LYSMD3: variants seen among roughly 807,000 people sequenced by gnomAD.
The protein encoded by LYSMD3 is LysM domain containing 3, also known as lysM and putative peptidoglycan-binding domain-containing protein 3.
Under a neutral mutation model 26.1 loss-of-function variants are expected in LYSMD3, and 13 were observed. The observed-to-expected ratio is 0.50, with a 90% CI of 0.32 to 0.79. The LOEUF (loss-of-function observed/expected upper bound fraction) is 0.79. Ranked by LOEUF, LYSMD3 falls within the 30% of genes least tolerant of loss-of-function variation. The probability of loss-of-function intolerance (pLI) is 0.03; values close to 1 mark genes in which losing one functional copy is unlikely to be tolerated. For missense variants in LYSMD3, 331 were observed against 362.5 expected (o/e 0.91, Z 0.71); for synonymous variants, 109 against 119.4 (o/e 0.91, Z 0.57).
Position 90,519,329 on chromosome 5 carries a change from G to A in LYSMD3, c.411C>T (p.Tyr137=). ...GCAAAATTTCCTGTTGTTCGGAAGA[G>A]TATTGAACAGATGAATGACGTGAAG... ...RQTSRHSSVQ[Y]SSEQQEILPA... Residue 137 remains tyrosine, a synonymous_variant, in exon 3 of 3, where the codon TAC becomes TAT. Transcript: ENST00000315948. 1.9e-6 allele frequency: 3 copies of A among 1,614,110 alleles called. No homozygotes were observed. The highest frequency in any genetic ancestry group is 2.5e-6 in the Non-Finnish European group (3 of 1,179,998).
At chr5:90,523,187 A>G (rs1753134395) in intron 2 of LYSMD3, among the ~76,000 whole-genome samples, 1 of 152,178 alleles carries the variant, frequency 6.6e-6, no homozygotes, top group African/African-American at 2.4e-5. Flanking sequence ...TTCTGATTTA[A>G]TAATGGCAAG....
At position 90,519,495 on chromosome 5, in the gene LYSMD3, G is replaced by GGA. The variant is rs1554042291; in HGVS notation, c.256-12_256-11insTC. The GGA allele has an allele frequency of 4.1e-5, 64 of 1,556,566 alleles. No homozygotes were observed. The highest frequency in any genetic ancestry group is 4.1e-4 in the East Asian group (18 of 44,110). ...CTTGATATCTGCTACCTGTGGGGGGGAAAAAAAAGCAACATACAACTGAAT... is the reference window on the plus strand; with the variant it reads ...CTTGATATCTGCTACCTGTGGGGGGGGAAAAAAAAAGCAACATACAACTGAAT... On this transcript the variant is annotated splice_polypyrimidine_tract_variant and intron_variant, in intron 2 of 2. Coordinates refer to ENST00000315948, the MANE Select transcript of LYSMD3 (RefSeq NM_198273.2).
chr5:90,518,964 A>G lies in LYSMD3; in HGVS notation c.776T>C (p.Leu259Ser), dbSNP rs1753017911. The G allele has an allele frequency of 1.2e-6, 2 of 1,613,956 alleles. No individual in the cohort carries two copies. The highest frequency in any genetic ancestry group is 1.1e-5 in the South Asian group (1 of 91,084). ...SHHSTVDSSH[L>S]HSKITPPSQQ... ...TGATGGGGGTGTGATTTTTGAATGTAAATGTGAAGAGTCCACTGTTGAATG... is the reference window on the plus strand; with the variant it reads ...TGATGGGGGTGTGATTTTTGAATGTGAATGTGAAGAGTCCACTGTTGAATG... The change falls in exon 3 of 3, where the codon TTA (leucine) becomes TCA (serine). Residue 259 changes from leucine to serine, a missense_variant. Physicochemically the swap from Leu to Ser is moderately radical, Grantham distance 145. This residue lies in a region of LYSMD3 where 61 missense variants were observed against 66.8 expected (regional missense o/e 0.91). Coordinates refer to ENST00000315948, the MANE Select transcript of LYSMD3 (RefSeq NM_198273.2).
Position 90,518,324 on chromosome 5 carries a change from T to A in LYSMD3, c.*495A>T, listed in dbSNP as rs1308366499. ...TGTACGTATGCTTTCATAGCACATG[T>A]GCTAAATGTATTTTTTAAAAGTTTT... On this transcript the variant is annotated 3_prime_UTR_variant, in exon 3 of 3. Coordinates refer to ENST00000315948, the MANE Select transcript of LYSMD3 (RefSeq NM_198273.2). 1 of 152,850 alleles carries A rather than the reference T, an allele frequency of 6.5e-6. No homozygotes were observed. The highest frequency in any genetic ancestry group is 1.5e-5 in the Non-Finnish European group (1 of 68,522). The allele number at this position is 152,850 out of a possible 1,614,324, so 9.5% of individuals were successfully genotyped here. A position where few individuals can be genotyped will look rare whatever the true frequency, so the allele number is the denominator to read the frequency against.
rs776261005 is a variant in LYSMD3 at position 90,519,349 on chromosome 5, G to A, written c.391C>T (p.Arg131Cys). The change falls in exon 3 of 3, where the codon CGT (arginine) becomes TGT (cysteine). Residue 131 changes from arginine to cysteine, a missense_variant. By Grantham distance (180) the Arg-to-Cys change is radical. Coordinates refer to ENST00000315948, the MANE Select transcript of LYSMD3 (RefSeq NM_198273.2). ...GAAGAGTATTGAACAGATGAATGAC[G>A]TGAAGTCTGTCTTCCTTTTGGAGGA... is the stretch of plus-strand genomic sequence containing the variant. ...LCPPKGRQTSRHSSVQYSSEQ... is the reference protein window; with the variant it reads ...LCPPKGRQTSCHSSVQYSSEQ... 37 of 1,613,974 alleles carry A rather than the reference G, an allele frequency of 2.3e-5. No homozygotes were observed. Among genetic ancestry groups the A allele is most frequent in the Middle Eastern group, 1.6e-4 (1 of 6,084 alleles).
rs1011988494 is a variant in LYSMD3 at position 90,517,859 on chromosome 5, A to T, written c.*960T>A. On this transcript the variant is annotated 3_prime_UTR_variant, in exon 3 of 3. Coordinates refer to ENST00000315948, the MANE Select transcript of LYSMD3 (RefSeq NM_198273.2). ...ACAAATTTATATAGCCTATGTAACGAATCTGATTGGACCATATGAAATAAT... is the reference window on the plus strand; with the variant it reads ...ACAAATTTATATAGCCTATGTAACGTATCTGATTGGACCATATGAAATAAT... The T allele has an allele frequency of 6.6e-6, 1 of 152,492 alleles. No individual in the cohort carries two copies. The highest frequency in any genetic ancestry group is 1.5e-5 in the Non-Finnish European group (1 of 67,926). 9.4% of individuals were successfully genotyped at this position (152,492 alleles called of 1,614,324 possible).
At chr5:90,526,190 T>C (rs1753219181) in intron 1 of LYSMD3, among the ~76,000 whole-genome samples, 1 of 152,220 alleles carries the variant, frequency 6.6e-6, no homozygotes, top group Non-Finnish European at 1.5e-5. Flanking sequence ...GGTATTTATA[T>C]TTAGTGCAGA....
rs190415342 is a variant in LYSMD3 at position 90,517,211 on chromosome 5, T to C, written c.*1608A>G. 2.0e-5 allele frequency: 3 copies of C among 152,536 alleles called. No homozygotes were observed. In the East Asian group the frequency reaches 5.8e-4, roughly 29 times the overall value. 9.4% of individuals were successfully genotyped at this position (152,536 alleles called of 1,614,324 possible). On this transcript the variant is annotated 3_prime_UTR_variant, in exon 3 of 3. Transcript: ENST00000315948. ...GGTCCTCTAATATTTGCAAGGGCTT[T>C]AATGTTTGACTTCTTTGTCCTGTCT... is the stretch of plus-strand genomic sequence containing the variant.
chr5:90,520,844 G>A (rs1580231625), intron 2 of LYSMD3, among the ~76,000 whole-genome samples: 2 of 152,104 alleles, frequency 1.3e-5, no homozygotes, highest in Non-Finnish European at 2.9e-5. Flanking sequence ...ACTGGAAGCC[G>A]GGAGGTGGTG....
intron 1 of LYSMD3, among the ~76,000 whole-genome samples, chr5:90,529,186 G>A (rs1001030342): frequency 1.3e-5 from 2 of 152,180 alleles, no homozygotes; most frequent in East Asian, 3.9e-4. Context: ...GTTTGGGTGG[G>A]AAATTAGCTG....
In LYSMD3 at chr5:90,517,314, AAT is replaced by A. The variant is rs1752974540; in HGVS notation, c.*1503_*1504del. ...TTTACTTATTCTGAGTTAAATTTGA[AAT>A]ATATAAAATGACTTATCAAAAGCCT... On this transcript the variant is annotated 3_prime_UTR_variant, in exon 3 of 3. Coordinates refer to ENST00000315948, the MANE Select transcript of LYSMD3 (RefSeq NM_198273.2). 6.6e-6 allele frequency: 1 copy of A among 152,006 alleles called. No individual in the cohort carries two copies. The highest frequency in any genetic ancestry group is 2.4e-5 in the African/African-American group (1 of 41,418). 9.4% of individuals were successfully genotyped at this position (152,006 alleles called of 1,614,324 possible).
intron 2 of LYSMD3, among the ~76,000 whole-genome samples, chr5:90,519,805 T>C (rs1174520194): frequency 2.0e-5 from 3 of 152,050 alleles, no homozygotes; most frequent in Admixed American, 6.5e-5. Context: ...GTCCTTCTGC[T>C]TGTAAACAAT....
In LYSMD3 at chr5:90,525,282, C is replaced by T. The variant is rs762038089; in HGVS notation, c.8G>A (p.Gly3Glu). The change falls in exon 2 of 3, where the codon GGG becomes GAG. Residue 3 changes from glycine to glutamate, a missense_variant. By Grantham distance (98) the Gly-to-Glu change is moderately conservative (BLOSUM62 -2). Coordinates refer to ENST00000315948, the MANE Select transcript of LYSMD3 (RefSeq NM_198273.2). ...AGGAAAACTACGATTCTGATGCCTC[C>T]CTGCCATAATGTTAAAATCTGGAGG... MA[G>E]RHQNRSFPLP... 1.3e-6 allele frequency: 2 copies of T among 1,596,414 alleles called. No individual in the cohort carries two copies. Among genetic ancestry groups the T allele is most frequent in the Admixed American group, 3.6e-5 (2 of 55,928 alleles).
chr5:90,520,116 G>A (rs955421789), intron 2 of LYSMD3, among the ~76,000 whole-genome samples: 37 of 152,098 alleles, frequency 2.4e-4, no homozygotes, highest in African/African-American at 8.0e-4. Context: ...ACTTCTCAGT[G>A]TAAATGCATT....
At position 90,517,150 on chromosome 5, in the gene LYSMD3, A is replaced by C. The variant is rs747063213; in HGVS notation, c.*1669T>G. 3 of 152,504 alleles carry C rather than the reference A, an allele frequency of 2.0e-5. No individual in the cohort carries two copies. The highest frequency in any genetic ancestry group is 6.5e-5 in the Admixed American group (1 of 15,274). The allele number at this position is 152,504 out of a possible 1,614,324, so 9.4% of individuals were successfully genotyped here. A position where few individuals can be genotyped will look rare whatever the true frequency, so the allele number is the denominator to read the frequency against. On this transcript the variant is annotated 3_prime_UTR_variant, in exon 3 of 3. Transcript: ENST00000315948. Reference sequence around the variant, plus strand: ...TTAATTTACTAAGAGAATCATTTGCAACTTCCCTATTAAACACTTTTTGGT... The same window carrying C: ...TTAATTTACTAAGAGAATCATTTGCCACTTCCCTATTAAACACTTTTTGGT...
chr5:90,527,427 T>G (rs1479918656), intron 1 of LYSMD3, among the ~76,000 whole-genome samples: 1 of 151,704 alleles, frequency 6.6e-6, no homozygotes, highest in Non-Finnish European at 1.5e-5. Flanking sequence ...TTTTTTTTTT[T>G]TACTGTTAAG....
chr5:90,525,030 C>A lies in LYSMD3; in HGVS notation c.255+5G>T. On this transcript the variant is annotated splice_donor_5th_base_variant and intron_variant, in intron 2 of 2. Transcript: ENST00000315948. Reference sequence around the variant, plus strand: ...TGAATTGCATTATGTAATATTAAAACTTACCGTACAACAGTACTGAAGGGC... The same window carrying A: ...TGAATTGCATTATGTAATATTAAAAATTACCGTACAACAGTACTGAAGGGC... The A allele has an allele frequency of 6.4e-7, 1 of 1,563,568 alleles. No individual in the cohort carries two copies. Among genetic ancestry groups the A allele is most frequent in the South Asian group, 1.2e-5 (1 of 83,604 alleles).
chr5:90,527,086 C>T (rs1213006248), intron 1 of LYSMD3: 1 of 152,032 alleles, frequency 6.6e-6, no homozygotes, highest in East Asian at 1.9e-4. Context: ...AATAACATCT[C>T]AAAGACTCAC....
intron 1 of LYSMD3, among the ~76,000 whole-genome samples, chr5:90,526,093 T>G (rs1488707684): frequency 6.6e-6 from 1 of 152,232 alleles, no homozygotes; most frequent in African/African-American, 2.4e-5. Flanking sequence ...CATAATACTT[T>G]CATGAATTCA....
Sources: gnomAD v4.1 joint callset for allele counts (sites outside exome capture counted in the v4.1 genomes callset) on GRCh38, gnomAD v4.1.1 for gene constraint, gnomAD v4.1.1 regional missense constraint, MANE v1.5 for transcripts, NCBI Gene and HGNC (gene_info 2026-07-23, HGNC 2026-07-21) for gene names.